Variants in ZNF326 observed in about 807,000 individuals in gnomAD.
ZNF326 encodes the protein DBIRD complex subunit ZNF326.
ZNF326 carries 30 observed loss-of-function variants against 63.1 expected under a neutral mutation model. The observed-to-expected ratio is 0.48, with a 90% CI of 0.36 to 0.64. The LOEUF (loss-of-function observed/expected upper bound fraction) is 0.64. Ranked by LOEUF, ZNF326 falls within the 30% of genes least tolerant of loss-of-function variation. ZNF326 has a pLI of 0.00. For missense variants in ZNF326, 609 were observed against 720.3 expected, an observed-to-expected ratio of 0.85 and a Z score of 1.77; for synonymous variants, 194 against 228.2, an observed-to-expected ratio of 0.85 and a Z score of 1.35.
At chr1:90,017,575 T>C in intron 8 of ZNF326, 111 bp downstream of exon 8, 1 of 994,888 alleles carries the variant, frequency 1.0e-6, no homozygotes, top group South Asian at 1.8e-5. Context: ...TTTAATTTAC[T>C]ATTTAAAGAA....
rs1313198621 is a variant in ZNF326, at chr1:90,007,355, T to C, written c.220T>C (p.Tyr74His). The part of the protein sequence containing the change: ...GGGGGSRFGP[Y>H]ESYDSRSSLG... Reference sequence around the variant, plus strand: ...GTGCAACTTTTCCAGGTTTGGACCTTATGAGTCTTACGACTCCAGGTCTTC... The same window carrying C: ...GTGCAACTTTTCCAGGTTTGGACCTCATGAGTCTTACGACTCCAGGTCTTC... Residue 74 changes from tyrosine to histidine, a missense_variant, in exon 5 of 12, where the codon TAT (tyrosine) becomes CAT (histidine). Around this residue, in one of 3 missense-constraint regions of ZNF326, gnomAD observed 113 missense variants for 187.4 expected, o/e 0.60. Coordinates refer to ENST00000340281, the MANE Select transcript of ZNF326 (RefSeq NM_182976.4). This position sits in a 1 kb window ranked among gnomAD's most constrained non-coding sequence, Gnocchi z 4.9. The C allele has an allele frequency of 6.2e-7, 1 of 1,605,798 alleles. No homozygotes were observed. Among genetic ancestry groups the C allele is most frequent in the Non-Finnish European group, 8.5e-7 (1 of 1,175,546 alleles).
rs1465194974 is a variant in ZNF326, at chr1:90,033,738, A to G, written c.*6037A>G. 2 of 152,176 alleles carry G rather than the reference A, an allele frequency of 1.3e-5. No homozygotes were observed. Among genetic ancestry groups the G allele is most frequent in the Non-Finnish European group, 2.9e-5 (2 of 68,022 alleles). 9.4% of individuals were successfully genotyped at this position (152,176 alleles called of 1,614,324 possible). On this transcript the variant is annotated 3_prime_UTR_variant, in exon 12 of 12. Coordinates refer to ENST00000340281, the MANE Select transcript of ZNF326 (RefSeq NM_182976.4). ...AGACATAGATGTATCTCTTAAAGAC[A>G]TAGAAAACCCAGAACACCATCTGTT...
intron 11 of ZNF326, among the ~76,000 whole-genome samples, chr1:90,026,594 C>T (rs1412891143): frequency 6.6e-6 from 1 of 152,084 alleles, no homozygotes; most frequent in East Asian, 1.9e-4. Context: ...ATAATGTCAC[C>T]ACATCTTTTA....
At chr1:89,998,271 T>C (rs1484411959) in intron 2 of ZNF326, 117 bp downstream of exon 2, 1 of 868,164 alleles carries the variant, frequency 1.2e-6, no homozygotes, top group Non-Finnish European at 1.8e-6. Flanking sequence ...ATTTATGTGT[T>C]AATATTGTCT....
At chr1:89,997,477 G>A (rs1648438553) in intron 1 of ZNF326, among the ~76,000 whole-genome samples, 1 of 151,986 alleles carries the variant, frequency 6.6e-6, no homozygotes. Context: ...GGATTCAAGT[G>A]ATTCTTCTGC....
At chr1:90,023,427 G>A (rs1649866099) in intron 11 of ZNF326, among the ~76,000 whole-genome samples, 1 of 152,136 alleles carries the variant, frequency 6.6e-6, no homozygotes, top group Admixed American at 6.5e-5. Flanking sequence ...CCATTAAATT[G>A]TCCCTCTACC....
intron 2 of ZNF326, among the ~76,000 whole-genome samples, chr1:90,000,245 A>G (rs1438761578): frequency 6.6e-6 from 1 of 152,248 alleles, no homozygotes; most frequent in Non-Finnish European, 1.5e-5. Flanking sequence ...TTTTATTGTT[A>G]GCACTGTATT....
chr1:90,025,623 A>G (rs1439186241), intron 11 of ZNF326, among the ~76,000 whole-genome samples: 1 of 152,236 alleles, frequency 6.6e-6, no homozygotes, highest in Non-Finnish European at 1.5e-5. Context: ...ACAGCTTCAT[A>G]GGAAATTTTA....
intron 2 of ZNF326, among the ~76,000 whole-genome samples, chr1:90,000,739 A>G (rs1648636079): frequency 1.3e-5 from 2 of 152,198 alleles, no homozygotes; most frequent in African/African-American, 4.8e-5. Flanking sequence ...TTTGCTGAGC[A>G]ATCTTAAGAC....
intron 10 of ZNF326, among the ~76,000 whole-genome samples, chr1:90,021,486 C>A (rs997698033): frequency 4.6e-5 from 7 of 152,040 alleles, no homozygotes; most frequent in Non-Finnish European, 1.0e-4. Context: ...TCTATTCTTA[C>A]ATTTTTTAGT....
Position 90,022,303 on chromosome 1 carries a change from A to T in ZNF326, c.1359A>T (p.Leu453Phe). The T allele has an allele frequency of 6.2e-7, 1 of 1,613,390 alleles. No individual in the cohort carries two copies. The highest frequency in any genetic ancestry group is 8.5e-7 in the Non-Finnish European group (1 of 1,179,542). Residue 453 changes from leucine (L) to phenylalanine (F), a missense_variant, in exon 11 of 12, where the codon TTA becomes TTT. Transcript: ENST00000340281. ...GTGTCTTGACTGCTACAAGCATTTT[A>T]AATAATCCAATAGTGAAGGCGCGAT... ...RESVLTATSILNNPIVKARYE... is the reference protein window; with the variant it reads ...RESVLTATSIFNNPIVKARYE...
intron 7 of ZNF326, 120 bp from the exon 8 acceptor site, chr1:90,017,197 A>G: frequency 2.6e-6 from 2 of 756,632 alleles, no homozygotes; most frequent in East Asian, 3.0e-5. Context: ...TAATTCAGTC[A>G]TAAAGAGGAA....
chr1:90,012,036 T>C (rs1450440761), intron 6 of ZNF326, among the ~76,000 whole-genome samples: 1 of 152,120 alleles, frequency 6.6e-6, no homozygotes, highest in Non-Finnish European at 1.5e-5. Flanking sequence ...GGTTTCGCCA[T>C]GTTGGCCAGG....
Position 90,032,644 on chromosome 1 carries a change from A to G in ZNF326, c.*4943A>G, listed in dbSNP as rs1476540002. On this transcript the variant is annotated 3_prime_UTR_variant, in exon 12 of 12. Coordinates refer to ENST00000340281, the MANE Select transcript of ZNF326 (RefSeq NM_182976.4). Reference sequence around the variant, plus strand: ...AGAGAGCCAAGGAACTGACAGCCACATGCCGATGATAATTAAAGAATTACC... The same window carrying G: ...AGAGAGCCAAGGAACTGACAGCCACGTGCCGATGATAATTAAAGAATTACC... The G allele has an allele frequency of 6.6e-6, 1 of 152,244 alleles. No homozygotes were observed. The highest frequency in any genetic ancestry group is 2.4e-5 in the African/African-American group (1 of 41,462). The allele number at this position is 152,244 out of a possible 1,614,324, so 9.4% of individuals were successfully genotyped here.
intron 9 of ZNF326, among the ~76,000 whole-genome samples, 165 bp from the exon 10 acceptor site, chr1:90,020,627 T>C (rs1307097819): frequency 6.6e-6 from 1 of 152,104 alleles, no homozygotes; most frequent in African/African-American, 2.4e-5. Flanking sequence ...AATCTACATA[T>C]GTAGATTTAT....
chr1:90,004,871 T>G (rs1201883276), intron 2 of ZNF326, 132 bp from the exon 3 acceptor site: 1 of 447,438 alleles, frequency 2.2e-6, no homozygotes, highest in African/African-American at 2.1e-5. Context: ...CTTCAGCATT[T>G]AGTGTGAATT....
chr1:90,006,513 T>C (rs1447208291), intron 4 of ZNF326: 1 of 980,388 alleles, frequency 1.0e-6, no homozygotes, highest in Non-Finnish European at 1.2e-6. Context: ...GTTAACTCTC[T>C]TAAAACCTCG....
At chr1:90,006,523 G>C in intron 4 of ZNF326, 1 of 965,930 alleles carries the variant, frequency 1.0e-6, no homozygotes, top group Non-Finnish European at 1.2e-6. Context: ...TTAAAACCTC[G>C]AGGAGACTGT....
At chr1:90,014,769 C>T (rs936544911) in intron 7 of ZNF326, among the ~76,000 whole-genome samples, 3 of 152,126 alleles carry the variant, frequency 2.0e-5, no homozygotes, top group African/African-American at 7.2e-5. Flanking sequence ...AGTTCTCTGT[C>T]CCATTCATTA....
Sources: gnomAD v4.1 joint callset for allele counts (sites outside exome capture counted in the v4.1 genomes callset) on GRCh38, gnomAD v4.1.1 for gene constraint, gnomAD v4.1.1 regional missense constraint, Gnocchi (gnomAD v3.1) non-coding constraint, MANE v1.5 for transcripts, NCBI Gene and HGNC (gene_info 2026-07-23, HGNC 2026-07-21) for gene names.